The following GALNT10 variants were observed in gnomAD, a reference collection of about 807,000 sequenced individuals.
GALNT10 encodes polypeptide N-acetylgalactosaminyltransferase 10.
In GALNT10, 41 loss-of-function variants were observed where a neutral mutation model predicts 75.0. The observed-to-expected ratio is 0.55, with a 90% CI of 0.43 to 0.71. The LOEUF (loss-of-function observed/expected upper bound fraction) is 0.71. Ranked by LOEUF, GALNT10 falls within the 30% of genes least tolerant of loss-of-function variation. The pLI, the probability that GALNT10 is intolerant of heterozygous loss-of-function variation, is 0.00. For synonymous variants in GALNT10, 302 were observed against 313.0 expected (o/e 0.96, Z 0.37); for missense variants, 727 against 818.5 (o/e 0.89, Z 1.36).
chr5:154,327,440 G>A (rs555551517), intron 3 of GALNT10, among the ~76,000 whole-genome samples: 16 of 152,214 alleles, frequency 1.1e-4, no homozygotes, highest in East Asian at 3.9e-4. Context: ...ATCTTTTATC[G>A]TAAAACAAAG....
At chr5:154,197,132 G>A (rs543356097) in intron 1 of GALNT10, among the ~76,000 whole-genome samples, 1 of 151,900 alleles carries the variant, frequency 6.6e-6, no homozygotes, top group East Asian at 1.9e-4. Context: ...TGCTGAGGAC[G>A]GCTTGGGTGC....
chr5:154,303,306 TACTG>T (rs935549809), intron 3 of GALNT10, among the ~76,000 whole-genome samples: 9 of 152,132 alleles, frequency 5.9e-5, no homozygotes, highest in African/African-American at 2.2e-4. Context: ...CCAGAAGACT[TACTG>T]AGTTGAGGAA....
At chr5:154,311,984 C>T (rs1754526794) in intron 3 of GALNT10, among the ~76,000 whole-genome samples, 1 of 152,088 alleles carries the variant, frequency 6.6e-6, no homozygotes, top group Non-Finnish European at 1.5e-5. Context: ...GTGGTATTTG[C>T]TACATAAATC....
intron 7 of GALNT10, chr5:154,403,836 T>G (rs1428677285): frequency 6.3e-6 from 3 of 473,394 alleles, no homozygotes; most frequent in East Asian, 4.3e-5. Context: ...ACTACCTACT[T>G]TATAGGTTTT....
At chr5:154,286,691 A>G (rs1314270583) in intron 1 of GALNT10, among the ~76,000 whole-genome samples, 1 of 152,200 alleles carries the variant, frequency 6.6e-6, no homozygotes, top group Admixed American at 6.5e-5. Flanking sequence ...AATGGCTCCT[A>G]TCTGTGAGTG....
chr5:154,215,168 C>A (rs1029605797), intron 1 of GALNT10, among the ~76,000 whole-genome samples: 1 of 152,212 alleles, frequency 6.6e-6, no homozygotes, highest in African/African-American at 2.4e-5. Flanking sequence ...GGAGAGAAGT[C>A]CTCTCTATAG....
chr5:154,218,193 C>T (rs1752913721), intron 1 of GALNT10: 2 of 921,126 alleles, frequency 2.2e-6, no homozygotes, highest in Non-Finnish European at 2.6e-6. Context: ...CCTCCTCCCT[C>T]CCCACCTCAT....
chr5:154,246,364 G>T (rs904636241), intron 1 of GALNT10, among the ~76,000 whole-genome samples: 3 of 152,266 alleles, frequency 2.0e-5, no homozygotes, highest in Non-Finnish European at 4.4e-5. Context: ...TCCAGTTCTA[G>T]ATCCCTGAGG....
rs911585164 is a variant in GALNT10, at chr5:154,402,531, C to T, written c.1057-1573C>T. ...TAGTTACCTATGCCAGGAAAAATTA[C>T]CCCCAGAATCCATCTTAACACAATA... On this transcript the variant is annotated intron_variant, in intron 7 of 11. Coordinates refer to ENST00000297107, the MANE Select transcript of GALNT10 (RefSeq NM_198321.4). This position sits in a 1 kb window ranked among gnomAD's most constrained non-coding sequence, Gnocchi z 4.2. Among the ~76,000 whole-genome samples the T allele has an allele frequency of 2.6e-5, 4 of 152,230 alleles. No individual in the cohort carries two copies. Among genetic ancestry groups the T allele is most frequent in the African/African-American group, 9.6e-5 (4 of 41,456 alleles).
At chr5:154,401,047 C>G (rs1031588072) in intron 7 of GALNT10, among the ~76,000 whole-genome samples, 2 of 152,194 alleles carry the variant, frequency 1.3e-5, no homozygotes, top group Non-Finnish European at 2.9e-5. Context: ...ACCAAACCCT[C>G]CAGACATCCC....
At chr5:154,367,302 A>G (rs1755491254) in intron 4 of GALNT10, among the ~76,000 whole-genome samples, 1 of 152,222 alleles carries the variant, frequency 6.6e-6, no homozygotes, top group Non-Finnish European at 1.5e-5. Context: ...TGTGGAAACC[A>G]GTTTCCCTGG....
chr5:154,223,443 T>C (rs12521554), intron 1 of GALNT10, among the ~76,000 whole-genome samples: 55,585 of 152,094 alleles, frequency 0.37, 12,277 homozygotes, highest in East Asian at 0.84. Flanking sequence ...ATTGCCTCTC[T>C]AGTATAAGGT....
chr5:154,218,270 G>A, intron 1 of GALNT10: 1 of 276,306 alleles, frequency 3.6e-6, no homozygotes, highest in Non-Finnish European at 5.5e-6. Flanking sequence ...ACTGGGCAGA[G>A]ATTCTCATTG....
chr5:154,215,436 G>T (rs13178743), intron 1 of GALNT10, among the ~76,000 whole-genome samples: 3 of 151,792 alleles, frequency 2.0e-5, no homozygotes, highest in Non-Finnish European at 4.4e-5. Context: ...GAGCCGAGAT[G>T]GCGCCACTGC....
At chr5:154,371,191 A>G (rs748474724) in intron 4 of GALNT10, among the ~76,000 whole-genome samples, 3 of 152,006 alleles carry the variant, frequency 2.0e-5, no homozygotes, top group Admixed American at 6.6e-5. Context: ...TGCCTCCATC[A>G]TCACACAGTA....
At chr5:154,221,770 G>A (rs560264610) in intron 1 of GALNT10, among the ~76,000 whole-genome samples, 4 of 152,310 alleles carry the variant, frequency 2.6e-5, no homozygotes, top group East Asian at 1.9e-4. Flanking sequence ...ACAGCACTCC[G>A]CAGTGCGACT....
intron 1 of GALNT10, among the ~76,000 whole-genome samples, chr5:154,242,371 T>C (rs1753350304): frequency 6.6e-6 from 1 of 152,144 alleles, no homozygotes; most frequent in African/African-American, 2.4e-5. Flanking sequence ...TTAAGGTTTC[T>C]AGGGTGACTG....
chr5:154,204,083 G>C (rs1775069982), intron 1 of GALNT10, among the ~76,000 whole-genome samples: 1 of 152,184 alleles, frequency 6.6e-6, no homozygotes, highest in Non-Finnish European at 1.5e-5. Flanking sequence ...AAGAGCCCTG[G>C]GTTTTGAGGC....
At chr5:154,257,602 G>A (rs1329657757) in intron 1 of GALNT10, among the ~76,000 whole-genome samples, 1 of 151,500 alleles carries the variant, frequency 6.6e-6, no homozygotes, top group African/African-American at 2.4e-5. Context: ...GAACCAGGGA[G>A]TCAGAGGTTG....
Sources: allele counts gnomAD v4.1 joint callset (sites outside exome capture counted in the v4.1 genomes callset), GRCh38; gene constraint gnomAD v4.1.1; non-coding constraint Gnocchi (gnomAD v3.1); transcripts MANE v1.5; gene names NCBI Gene and HGNC (gene_info 2026-07-23, HGNC 2026-07-21).